ERCC8: variants seen among roughly 807,000 people sequenced by gnomAD.
ERCC8 encodes DNA excision repair protein ERCC-8.
A neutral mutation model predicts 54.9 loss-of-function variants in ERCC8; 52 were observed. The observed-to-expected ratio is 0.95, with a 90% CI of 0.76 to 1.19. ERCC8 has a LOEUF of 1.19. Ranked by LOEUF, ERCC8 falls within the 50% of genes most tolerant of loss-of-function variation. The pLI is 0.00. For synonymous variants in ERCC8, 146 were observed against 157.2 expected (o/e 0.93, Z 0.53); for missense variants, 514 against 466.1 (o/e 1.10, Z -0.95).
chr5:60,893,318 C>A, intron 9 of ERCC8: 4 of 880,722 alleles, frequency 4.5e-6, no homozygotes, highest in Non-Finnish European at 7.8e-6. Context: ...CTCCTCCTGG[C>A]GTCTTAGGAT....
chr5:60,883,455 A>G (rs375459590), intron 11 of ERCC8, among the ~76,000 whole-genome samples: 2 of 152,160 alleles, frequency 1.3e-5, no homozygotes, highest in African/African-American at 4.8e-5. Context: ...ATATTCATCT[A>G]TATCTCACCA....
At chr5:60,892,615 G>A (rs1036322538) in intron 9 of ERCC8, 29 of 664,664 alleles carry the variant, frequency 4.4e-5, no homozygotes, top group Non-Finnish European at 5.4e-5. Context: ...CCAGAGAGAA[G>A]GTAATAGTTG....
rs1747935165 is a variant in ERCC8 at position 60,874,371 on chromosome 5, T to C, written c.*244A>G. On this transcript the variant is annotated 3_prime_UTR_variant, in exon 12 of 12. Coordinates refer to ENST00000676185, the MANE Select transcript of ERCC8 (RefSeq NM_000082.4). Reference sequence around the variant, plus strand: ...GTACAACGACTTGTGTTACTTGTACTGTAGCAATGAGGGCTTTCCCAGGCC... The same window carrying C: ...GTACAACGACTTGTGTTACTTGTACCGTAGCAATGAGGGCTTTCCCAGGCC... 2.1e-6 allele frequency: 1 copy of C among 481,334 alleles called. No homozygotes were observed. The highest frequency in any genetic ancestry group is 2.0e-5 in the African/African-American group (1 of 50,734). The allele number at this position is 481,334 out of a possible 1,614,324, so 29.8% of individuals were successfully genotyped here.
At chr5:60,901,144 A>G (rs1748893321) in intron 7 of ERCC8, among the ~76,000 whole-genome samples, 1 of 151,998 alleles carries the variant, frequency 6.6e-6, no homozygotes, top group Non-Finnish European at 1.5e-5. Flanking sequence ...AGTTTTATGA[A>G]AATATATAAA....
chr5:60,877,554 G>A (rs1003405809), intron 11 of ERCC8, among the ~76,000 whole-genome samples: 24 of 152,124 alleles, frequency 1.6e-4, no homozygotes, highest in African/African-American at 5.8e-4. Flanking sequence ...ATTTCCTTGA[G>A]CAGTGGTTTG....
chr5:60,898,178 A>G (rs893806627), intron 9 of ERCC8, 98 bp downstream of exon 9: 1 of 1,336,028 alleles, frequency 7.5e-7, no homozygotes, highest in East Asian at 2.5e-5. Flanking sequence ...AGCTGTGATT[A>G]AAAGGGAATA....
At position 60,869,802 on chromosome 5, in the gene ERCC8, T is replaced by G. The variant is rs552833339; in HGVS notation, c.*4813A>C. Among the ~76,000 whole-genome samples the G allele has an allele frequency of 6.6e-6, 1 of 150,744 alleles. No homozygotes were observed. The highest frequency in any genetic ancestry group is 2.5e-5 in the African/African-American group (1 of 40,024). ...CATTTCATAGGTGTACCATAATGAC[T>G]AGTTAAAAATGGAATCAAAGTGAAG... On this transcript the variant is annotated 3_prime_UTR_variant, in exon 12 of 12. Transcript: ENST00000676185.
chr5:60,904,628 G>GTA lies in ERCC8; in HGVS notation c.481+163_481+164insTA, dbSNP rs1362263921. 3.4e-3 allele frequency among the ~76,000 whole-genome samples: 228 copies of GTA among 67,634 alleles called. 1 individual carries two copies. Among genetic ancestry groups the GTA allele is most frequent in the Middle Eastern group, 7.2e-3 (1 of 138 alleles). The allele number at this position is 67,634 out of a possible 152,430, so 44.4% of individuals were successfully genotyped here. Reference sequence around the variant, plus strand: ...TATCTGTTGAATATATATAGTGTGTGTGTGTGTATATATATATATATATAT... The same window carrying GTA: ...TATCTGTTGAATATATATAGTGTGTGTATGTGTGTATATATATATATATATAT... On this transcript the variant is annotated intron_variant, in intron 5 of 11. Coordinates refer to ENST00000676185, the MANE Select transcript of ERCC8 (RefSeq NM_000082.4).
intron 1 of ERCC8, among the ~76,000 whole-genome samples, chr5:60,944,225 C>T (rs1304155192): frequency 6.6e-6 from 1 of 152,124 alleles, no homozygotes; most frequent in Admixed American, 6.6e-5. Flanking sequence ...GTTCAAATCT[C>T]TCCACTATCT....
chr5:60,885,013 TC>T (rs1325742153), intron 11 of ERCC8, among the ~76,000 whole-genome samples: 1 of 146,386 alleles, frequency 6.8e-6, no homozygotes, highest in Non-Finnish European at 1.5e-5. Flanking sequence ...TCACATATTA[TC>T]TTTTTTTTTT....
At position 60,890,868 on chromosome 5, in the gene ERCC8, A is replaced by G. The variant is rs1266944100; in HGVS notation, c.1041+21T>C. Reference sequence around the variant, plus strand: ...GGCAAGCTAGCTAGCTGAACATTTTAAATTCCTGTATCACTCTTACCTGGA... The same window carrying G: ...GGCAAGCTAGCTAGCTGAACATTTTGAATTCCTGTATCACTCTTACCTGGA... On this transcript the variant is annotated intron_variant, in intron 10 of 11. Transcript: ENST00000676185. 11 of 1,581,638 alleles carry G rather than the reference A, an allele frequency of 7.0e-6. No homozygotes were observed. In the South Asian group the frequency reaches 1.1e-4, roughly 16 times the overall value.
chr5:60,886,408 C>G (rs1428459538), intron 11 of ERCC8, among the ~76,000 whole-genome samples: 3 of 152,030 alleles, frequency 2.0e-5, no homozygotes, highest in African/African-American at 7.2e-5. Context: ...AGAACAAAGT[C>G]TTAAAAATGT....
At chr5:60,944,722 G>A (rs1289576733) in intron 1 of ERCC8, among the ~76,000 whole-genome samples, 4 of 32,522 alleles carry the variant, frequency 1.2e-4, no homozygotes, top group African/African-American at 4.9e-4. Flanking sequence ...CCCCACCCCC[G>A]GGGAACCCCC....
chr5:60,887,303 C>G, intron 11 of ERCC8, 137 bp downstream of exon 11: 1 of 729,004 alleles, frequency 1.4e-6, no homozygotes, highest in East Asian at 2.7e-5. Context: ...CATCTTGCCT[C>G]AGTCTCCCAG....
In ERCC8 at chr5:60,934,504, T is replaced by C. The variant is rs141936115; in HGVS notation, c.78-5545A>G. Among the ~76,000 whole-genome samples the C allele has an allele frequency of 1.6e-3, 238 of 152,312 alleles. 6 individuals carry two copies. The East Asian group carries it at 0.041, about 26-fold the overall frequency. On this transcript the variant is annotated intron_variant, in intron 1 of 11. Transcript: ENST00000676185. ...CTGTTGGATGTATAGGTTGTGAAGA[T>C]TTTCTTCCACTCTGTGGGTTGTCTG...
chr5:60,942,163 A>G (rs1426886026), intron 1 of ERCC8, among the ~76,000 whole-genome samples: 1 of 152,186 alleles, frequency 6.6e-6, no homozygotes, highest in African/African-American at 2.4e-5. Context: ...CAAACAGTCA[A>G]ATGAAAGCAG....
intron 9 of ERCC8, among the ~76,000 whole-genome samples, chr5:60,893,865 G>A (rs1425595788): frequency 1.3e-5 from 2 of 151,952 alleles, no homozygotes; most frequent in Non-Finnish European, 2.9e-5. Context: ...GTGCATTCAT[G>A]TTGTTGTGCA....
chr5:60,893,665 C>T (rs1748636105), intron 9 of ERCC8: 2 of 521,154 alleles, frequency 3.8e-6, no homozygotes, highest in South Asian at 4.9e-5. Flanking sequence ...GAGTAACAGA[C>T]GCTCTTGTGC....
rs905438201 is a variant in ERCC8, at chr5:60,871,720, A to G, written c.*2895T>C. ...GAGCCTATATATCTATATAACTAGA[A>G]GTAAGTAAAACAGTTACTTGCAGTT... On this transcript the variant is annotated 3_prime_UTR_variant, in exon 12 of 12. Transcript: ENST00000676185. Among the ~76,000 whole-genome samples, 3 of 152,212 alleles carry G rather than the reference A, an allele frequency of 2.0e-5. No homozygotes were observed. Among genetic ancestry groups the G allele is most frequent in the African/African-American group, 7.2e-5 (3 of 41,446 alleles).
Sources: allele counts gnomAD v4.1 joint callset (sites outside exome capture counted in the v4.1 genomes callset), GRCh38; gene constraint gnomAD v4.1.1; transcripts MANE v1.5; gene names NCBI Gene and HGNC (gene_info 2026-07-23, HGNC 2026-07-21).